Variants in CTNNA2 observed in about 807,000 individuals in gnomAD.
The protein encoded by CTNNA2 is catenin alpha-2.
CTNNA2 carries 42 observed loss-of-function variants against 101.0 expected under a neutral mutation model. That is an observed-to-expected ratio of 0.42 (90% CI 0.32 to 0.54). The LOEUF (loss-of-function observed/expected upper bound fraction) is 0.54. CTNNA2 is among the 20% of genes least tolerant of loss of function. CTNNA2 has a pLI of 0.14. For missense variants in CTNNA2, 871 were observed against 1,223.1 expected (o/e 0.71, Z 4.29); for synonymous variants, 450 against 456.4 (o/e 0.99, Z 0.18).
chr2:80,116,993 A>G lies in CTNNA2; in HGVS notation c.1056+207196A>G, dbSNP rs1161812873. Among the ~76,000 whole-genome samples, 4 of 151,880 alleles carry G rather than the reference A, an allele frequency of 2.6e-5. No homozygotes were observed. In the East Asian group the frequency reaches 5.8e-4, roughly 22 times the overall value. On this transcript the variant is annotated intron_variant, in intron 7 of 18. Transcript: ENST00000402739. The stretch of plus-strand genomic sequence containing the variant: ...TGTGTTAACATAAGGCTAGACATAC[A>G]TGGACACACTTGGAAGTTCTGGGAA...
intron 18 of CTNNA2, among the ~76,000 whole-genome samples, chr2:80,636,269 T>A (rs937168082): frequency 6.6e-6 from 1 of 151,598 alleles, no homozygotes; most frequent in African/African-American, 2.4e-5. Flanking sequence ...TGAGATAAGG[T>A]CAGTCTTAGT....
Position 80,302,642 on chromosome 2 carries a change from G to T in CTNNA2, c.1057-90569G>T, listed in dbSNP as rs917603256. The T allele has an allele frequency of 4.4e-6, 7 of 1,607,830 alleles. No individual in the cohort carries two copies. Among genetic ancestry groups the T allele is most frequent in the Non-Finnish European group, 3.4e-6 (4 of 1,178,426 alleles). ...CTGCCCCTCCCCGCCGTCCGCGAGC[G>T]TGGTGGCCGAGCTGGCAGGGGGCCC... On this transcript the variant is annotated intron_variant, in intron 7 of 18. Transcript: ENST00000402739. The surrounding 1 kb of genome is among the most constrained non-coding windows in gnomAD (Gnocchi z 6.4).
chr2:80,434,485 C>CTTTTTTTTTTTT (rs1169944635), intron 9 of CTNNA2, among the ~76,000 whole-genome samples: 5 of 89,960 alleles, frequency 5.6e-5, no homozygotes, highest in Non-Finnish European at 8.0e-5. Context: ...TTCTGTGTCT[C>CTTTTTTTTTTTT]TTTTTTTTTT....
chr2:80,287,362 T>C (rs984240298), intron 7 of CTNNA2, among the ~76,000 whole-genome samples: 1 of 152,198 alleles, frequency 6.6e-6, no homozygotes, highest in Non-Finnish European at 1.5e-5. Context: ...ACTTAGAAAC[T>C]GCTGTCACAT....
chr2:80,393,191 T>C lies in CTNNA2; in HGVS notation c.1057-20T>C, dbSNP rs778390882. 3.2e-6 allele frequency: 5 copies of C among 1,564,462 alleles called. No individual in the cohort carries two copies. Among genetic ancestry groups the C allele is most frequent in the Non-Finnish European group, 4.3e-6 (5 of 1,150,614 alleles). ...ACATTGAATATGCTAAATCAGAAAT[T>C]ATTTCTCTTTTCTTAATAGACTGGA... On this transcript the variant is annotated intron_variant, in intron 7 of 18. Coordinates refer to ENST00000402739, the MANE Select transcript of CTNNA2 (RefSeq NM_001282597.3).
At chr2:80,299,744 A>C (rs1676072805) in intron 7 of CTNNA2, 1 of 152,174 alleles carries the variant, frequency 6.6e-6, no homozygotes, top group South Asian at 2.1e-4. Context: ...GAGATAAACT[A>C]CAGTTTCCAA....
chr2:79,382,670 G>A (rs1435003600), intron 4 of CTNNA2, among the ~76,000 whole-genome samples: 1 of 152,112 alleles, frequency 6.6e-6, no homozygotes, highest in Non-Finnish European at 1.5e-5. Flanking sequence ...CTGGAGTGCA[G>A]TGGCACAATC....
intron 7 of CTNNA2, among the ~76,000 whole-genome samples, chr2:79,998,984 G>A (rs1692743517): frequency 6.6e-6 from 1 of 151,958 alleles, no homozygotes; most frequent in Non-Finnish European, 1.5e-5. Flanking sequence ...AGGACATTAG[G>A]GATTGAAGAC....
chr2:79,467,799 C>A (rs529049547), intron 4 of CTNNA2, among the ~76,000 whole-genome samples: 23 of 152,248 alleles, frequency 1.5e-4, no homozygotes, highest in African/African-American at 4.8e-4. Context: ...TGAAGGAGAA[C>A]TAAAATCCTT....
At chr2:80,134,084 G>C (rs1400743864) in intron 7 of CTNNA2, among the ~76,000 whole-genome samples, 3 of 152,148 alleles carry the variant, frequency 2.0e-5, no homozygotes, top group African/African-American at 7.2e-5. Context: ...TTTACAGATT[G>C]TTGGGAAAAT....
chr2:79,487,026 A>G lies in CTNNA2; in HGVS notation c.-134-18028A>G, dbSNP rs187301149. On this transcript the variant is annotated intron_variant, in intron 4 of 21. Transcript: ENST00000466387. ...TCATAGAAGTTCTGCTCAATTATCT[A>G]GATAAGAGGAAAACATAATAAATTT... Among the ~76,000 whole-genome samples, 338 of 152,336 alleles carry G rather than the reference A, an allele frequency of 2.2e-3. 1 individual carries two copies. Among genetic ancestry groups the G allele is most frequent in the African/African-American group, 7.7e-3 (320 of 41,574 alleles).
chr2:79,381,933 T>A (rs1573138630), intron 4 of CTNNA2, among the ~76,000 whole-genome samples: 1 of 152,356 alleles, frequency 6.6e-6, no homozygotes, highest in East Asian at 1.9e-4. Context: ...GATTGCTAAT[T>A]TAATGTGTCA....
At position 79,345,100 on chromosome 2, in the gene CTNNA2, T is replaced by G. The variant is rs954589797; in HGVS notation, c.-317-28731T>G. On this transcript the variant is annotated intron_variant, in intron 3 of 21. Coordinates refer to the CTNNA2 transcript ENST00000466387. ...TGTTAATATTTTATTATGGAATGTGTTTTTTTTTAAAAAAAAAAGCAAAAT... is the reference window on the plus strand; with the variant it reads ...TGTTAATATTTTATTATGGAATGTGGTTTTTTTTAAAAAAAAAAGCAAAAT... Among the ~76,000 whole-genome samples, 6 of 42,868 alleles carry G rather than the reference T, an allele frequency of 1.4e-4. No individual in the cohort carries two copies. The South Asian group carries it at 5.8e-3, about 42-fold the overall frequency. The allele number at this position is 42,868 out of a possible 152,430, so 28.1% of individuals were successfully genotyped here.
At chr2:80,004,161 A>C (rs1366287281) in intron 7 of CTNNA2, among the ~76,000 whole-genome samples, 1 of 152,168 alleles carries the variant, frequency 6.6e-6, no homozygotes, top group Non-Finnish European at 1.5e-5. Context: ...ATGCTTGTAG[A>C]TTTCCAAGAG....
intron 2 of CTNNA2, among the ~76,000 whole-genome samples, chr2:79,724,905 A>G (rs1188549705): frequency 6.6e-6 from 1 of 150,870 alleles, no homozygotes; most frequent in Non-Finnish European, 1.5e-5. Context: ...CAGCACGTCT[A>G]CTCTGCGGTA....
At chr2:79,545,253 C>G (rs972402334) in intron 1 of CTNNA2, among the ~76,000 whole-genome samples, 1 of 152,170 alleles carries the variant, frequency 6.6e-6, no homozygotes, top group Non-Finnish European at 1.5e-5. Flanking sequence ...TTGTGTGCAA[C>G]TTCTAGGCCC....
chr2:80,361,158 G>A (rs931532675), intron 7 of CTNNA2, among the ~76,000 whole-genome samples: 9 of 151,966 alleles, frequency 5.9e-5, no homozygotes, highest in African/African-American at 2.2e-4. Flanking sequence ...CTAGCAGATG[G>A]AACATCAACC....
chr2:80,156,123 T>C (rs751385217), intron 7 of CTNNA2, among the ~76,000 whole-genome samples: 4 of 152,212 alleles, frequency 2.6e-5, no homozygotes, highest in Non-Finnish European at 1.5e-5. Flanking sequence ...TATAAGGCTG[T>C]AAACCCAACC....
rs529116379 is a variant in CTNNA2, at chr2:80,555,042, C to T, written c.1541-651C>T. On this transcript the variant is annotated intron_variant, in intron 11 of 18. Coordinates refer to ENST00000402739, the MANE Select transcript of CTNNA2 (RefSeq NM_001282597.3). ...AGATCTTGACTATAATCTGAGGGAACCAGCCACAAGACTGGATTGTATTTT... is the reference window on the plus strand; with the variant it reads ...AGATCTTGACTATAATCTGAGGGAATCAGCCACAAGACTGGATTGTATTTT... Among the ~76,000 whole-genome samples, 18 of 152,276 alleles carry T rather than the reference C, an allele frequency of 1.2e-4. No homozygotes were observed. In the South Asian group the frequency reaches 3.5e-3, roughly 30 times the overall value.
Sources: allele counts gnomAD v4.1 joint callset (sites outside exome capture counted in the v4.1 genomes callset), GRCh38; gene constraint gnomAD v4.1.1; non-coding constraint Gnocchi (gnomAD v3.1); transcripts MANE v1.5; gene names NCBI Gene and HGNC (gene_info 2026-07-23, HGNC 2026-07-21).